TBXAS1: variants seen among roughly 807,000 people sequenced by gnomAD.
TBXAS1 encodes thromboxane-A synthase.
In TBXAS1, 48 loss-of-function variants were observed where a neutral mutation model predicts 60.7. That is an observed-to-expected ratio of 0.79 (90% CI 0.63 to 1.01). TBXAS1 has a LOEUF of 1.01. Ranked by LOEUF, TBXAS1 falls within the 50% of genes least tolerant of loss-of-function variation. TBXAS1 has a pLI of 0.00. For missense variants in TBXAS1, 685 were observed against 686.3 expected, an observed-to-expected ratio of 1.00 and a Z score of 0.02; for synonymous variants, 287 against 269.7, an observed-to-expected ratio of 1.06 and a Z score of -0.63.
chr7:139,989,591 A>G (rs1812744090), intron 9 of TBXAS1, among the ~76,000 whole-genome samples: 1 of 152,188 alleles, frequency 6.6e-6, no homozygotes, highest in Non-Finnish European at 1.5e-5. Flanking sequence ...TGGTCTTTGC[A>G]GGGGCTTCAC....
chr7:139,788,568 C>T (rs1797274567), intron 4 of TBXAS1, among the ~76,000 whole-genome samples: 1 of 152,184 alleles, frequency 6.6e-6, no homozygotes, highest in Non-Finnish European at 1.5e-5. Context: ...ATGTGGGGCA[C>T]CATGCAGCTG....
At chr7:139,842,204 G>A (rs181642980) in intron 1 of TBXAS1, among the ~76,000 whole-genome samples, 28 of 152,176 alleles carry the variant, frequency 1.8e-4, no homozygotes, top group South Asian at 1.5e-3. Context: ...ACCTTCTCTC[G>A]TCTAGTAAGG....
chr7:139,996,475 C>A (rs532199296), intron 9 of TBXAS1, among the ~76,000 whole-genome samples: 1 of 152,320 alleles, frequency 6.6e-6, no homozygotes, highest in East Asian at 1.9e-4. Flanking sequence ...CTACGCCAAG[C>A]TGCTCACGGT....
At chr7:140,011,173 A>T (rs142505991) in intron 10 of TBXAS1, among the ~76,000 whole-genome samples, 1,848 of 152,078 alleles carry the variant, frequency 0.012, 32 homozygotes, top group African/African-American at 0.042. Flanking sequence ...GCTACAAGGG[A>T]GGCTAAGGCA....
chr7:139,990,867 G>A (rs1812839785), intron 9 of TBXAS1, among the ~76,000 whole-genome samples: 1 of 152,116 alleles, frequency 6.6e-6, no homozygotes, highest in African/African-American at 2.4e-5. Flanking sequence ...ACACCTGGAG[G>A]GACTCCAGTC....
intron 3 of TBXAS1, among the ~76,000 whole-genome samples, chr7:139,885,886 C>G (rs527873160): frequency 2.0e-5 from 3 of 152,300 alleles, no homozygotes; most frequent in South Asian, 2.1e-4. Context: ...TGTGAACTTT[C>G]AAGCAAAAAA....
chr7:139,870,565 G>A (rs973831583), intron 1 of TBXAS1, among the ~76,000 whole-genome samples: 2 of 152,258 alleles, frequency 1.3e-5, no homozygotes, highest in Non-Finnish European at 2.9e-5. Flanking sequence ...GTCAACCTTC[G>A]GTACTCACAC....
chr7:139,846,521 T>C (rs1799814790), intron 1 of TBXAS1, among the ~76,000 whole-genome samples: 1 of 152,224 alleles, frequency 6.6e-6, no homozygotes, highest in South Asian at 2.1e-4. Context: ...AAACATTAGC[T>C]CTTAGTGTTA....
intron 4 of TBXAS1, among the ~76,000 whole-genome samples, chr7:139,819,487 C>T (rs1409103694): frequency 6.6e-6 from 1 of 152,096 alleles, no homozygotes; most frequent in Admixed American, 6.6e-5. Context: ...TTCTTTCCCC[C>T]AACTCTCTTC....
Position 139,862,490 on chromosome 7 carries a change from G to A in TBXAS1, c.90-9745G>A, listed in dbSNP as rs184939132. Among the ~76,000 whole-genome samples, 10 of 152,260 alleles carry A rather than the reference G, an allele frequency of 6.6e-5. No individual in the cohort carries two copies. In the South Asian group the frequency reaches 1.0e-3, roughly 16 times the overall value. Reference sequence around the variant, plus strand: ...GTGGGTACAGAAGCTTAGTTGGAGTGGGGGGAGGAGAGACTAAGGGCACAG... The same window carrying A: ...GTGGGTACAGAAGCTTAGTTGGAGTAGGGGGAGGAGAGACTAAGGGCACAG... On this transcript the variant is annotated intron_variant, in intron 1 of 12. Transcript: ENST00000448866.
upstream of TBXAS1, among the ~76,000 whole-genome samples, chr7:139,828,141 A>G (rs1251246802): frequency 6.6e-6 from 1 of 152,132 alleles, no homozygotes; most frequent in Non-Finnish European, 1.5e-5. Context: ...GTCATTTAAC[A>G]TAATCCCAGA....
chr7:139,898,527 A>G (rs1804299970), intron 3 of TBXAS1, among the ~76,000 whole-genome samples: 1 of 141,916 alleles, frequency 7.0e-6, no homozygotes, highest in Non-Finnish European at 1.5e-5. Flanking sequence ...GGGTTTCGCC[A>G]TGTTGGCCAG....
At chr7:139,846,866 G>T (rs1304977529) in intron 1 of TBXAS1, among the ~76,000 whole-genome samples, 1 of 152,102 alleles carries the variant, frequency 6.6e-6, no homozygotes, top group Non-Finnish European at 1.5e-5. Flanking sequence ...CCATAGTGCG[G>T]CAGGTTTAGA....
At chr7:139,948,784 T>G (rs1808962791) in intron 5 of TBXAS1, among the ~76,000 whole-genome samples, 1 of 152,176 alleles carries the variant, frequency 6.6e-6, no homozygotes, top group Non-Finnish European at 1.5e-5. Flanking sequence ...GTGGATTGTA[T>G]AAAGATTATG....
chr7:139,958,183 T>G lies in TBXAS1; in HGVS notation c.819+419T>G, dbSNP rs115227126. On this transcript the variant is annotated intron_variant, in intron 8 of 12. Coordinates refer to ENST00000448866, the MANE Select transcript of TBXAS1 (RefSeq NM_001061.7). ...ATGGAGTTCTCCAGCATGAACAGCA[T>G]GCTTATTAGAGAGTTCGGCAACTGT... is the stretch of plus-strand genomic sequence containing the variant. Among the ~76,000 whole-genome samples, 75 of 152,258 alleles carry G rather than the reference T, an allele frequency of 4.9e-4. 1 individual carries two copies. The highest frequency in any genetic ancestry group is 1.8e-3 in the African/African-American group (74 of 41,554).
chr7:139,971,732 C>T (rs754050132), intron 9 of TBXAS1, among the ~76,000 whole-genome samples: 2 of 152,168 alleles, frequency 1.3e-5, no homozygotes, highest in Non-Finnish European at 2.9e-5. Flanking sequence ...GCAGTGGCAA[C>T]CAGGAGCTTA....
chr7:140,006,993 C>T (rs909810757), intron 9 of TBXAS1, 98 bp from the exon 10 acceptor site: 5 of 1,208,756 alleles, frequency 4.1e-6, no homozygotes, highest in Non-Finnish European at 3.7e-6. Flanking sequence ...TAAATGTTTG[C>T]CAAAGTTGGA....
intron 1 of TBXAS1, among the ~76,000 whole-genome samples, chr7:139,830,998 T>G (rs1053317748): frequency 3.9e-5 from 6 of 152,014 alleles, no homozygotes; most frequent in African/African-American, 7.3e-5. Flanking sequence ...TTGGGCCATA[T>G]TAATAACCTG....
At chr7:139,982,048 C>A (rs1352362873) in intron 9 of TBXAS1, among the ~76,000 whole-genome samples, 1 of 152,148 alleles carries the variant, frequency 6.6e-6, no homozygotes, top group African/African-American at 2.4e-5. Flanking sequence ...AAATTTCCCT[C>A]TTGTTTGTTA....
Sources: allele counts gnomAD v4.1 joint callset (sites outside exome capture counted in the v4.1 genomes callset), GRCh38; gene constraint gnomAD v4.1.1; transcripts MANE v1.5; gene names NCBI Gene and HGNC (gene_info 2026-07-23, HGNC 2026-07-21).